Variants in CRK observed in about 807,000 individuals in gnomAD.
The protein encoded by CRK is CRK proto-oncogene, adaptor protein.
A neutral mutation model predicts 29.8 loss-of-function variants in CRK; 4 were observed. The observed-to-expected ratio is 0.13, with a 90% confidence interval of 0.07 to 0.31. The LOEUF is 0.31. Among genes scored for constraint, CRK ranks in the 10% least tolerant of loss-of-function variants. CRK has a pLI of 1.00. For missense variants in CRK, 274 were observed against 396.5 expected (o/e 0.69, Z 2.62); for synonymous variants, 153 against 164.9 (o/e 0.93, Z 0.55).
At chr17:1,428,561 T>C (rs377334256) in intron 2 of CRK, among the ~76,000 whole-genome samples, 2 of 146,846 alleles carry the variant, frequency 1.4e-5, no homozygotes, top group South Asian at 2.2e-4. Flanking sequence ...TCTCACTCTG[T>C]TGCCCTGGCT....
chr17:1,430,530 G>C (rs889453311), intron 2 of CRK, among the ~76,000 whole-genome samples: 3 of 143,790 alleles, frequency 2.1e-5, no homozygotes, highest in Admixed American at 6.9e-5. Context: ...CTAATTTTTT[G>C]TATTTTTTTT....
At chr17:1,425,581 C>T (rs1299031119) in intron 2 of CRK, among the ~76,000 whole-genome samples, 1 of 152,216 alleles carries the variant, frequency 6.6e-6, no homozygotes, top group African/African-American at 2.4e-5. Flanking sequence ...TGAGCCTCCA[C>T]ACCATTTATG....
intron 1 of CRK, among the ~76,000 whole-genome samples, chr17:1,440,956 T>C (rs2073930583): frequency 6.6e-6 from 1 of 152,208 alleles, no homozygotes; most frequent in African/African-American, 2.4e-5. Flanking sequence ...TGTTGTTGTC[T>C]TGTGACAGAG....
At chr17:1,444,886 T>C (rs2073962684) in intron 1 of CRK, among the ~76,000 whole-genome samples, 4 of 148,954 alleles carry the variant, frequency 2.7e-5, no homozygotes, top group Admixed American at 2.0e-4. Flanking sequence ...CGATGGCTCA[T>C]GCCTGTAATC....
chr17:1,442,577 AT>A (rs2073943395), intron 1 of CRK, among the ~76,000 whole-genome samples: 1 of 138,118 alleles, frequency 7.2e-6, no homozygotes, highest in Non-Finnish European at 1.6e-5. Flanking sequence ...TTATTTGCTT[AT>A]TGGGATTTTT....
intron 1 of CRK, 47 bp from the exon 2 acceptor site, chr17:1,437,202 A>T: frequency 6.6e-7 from 1 of 1,510,166 alleles, no homozygotes; most frequent in African/African-American, 1.4e-5. Context: ...ACTACACTGG[A>T]AATGAAATGC....
chr17:1,450,978 G>A (rs1335480853), intron 1 of CRK, among the ~76,000 whole-genome samples: 1 of 151,718 alleles, frequency 6.6e-6, no homozygotes, highest in African/African-American at 2.4e-5. Context: ...AGATCACAAG[G>A]TCAGGAGATC....
rs1260863082 is a variant in CRK at position 1,423,602 on chromosome 17, C to T, written c.826G>A (p.Glu276Lys). The T allele has an allele frequency of 5.0e-6, 8 of 1,614,078 alleles. No individual in the cohort carries two copies. Among genetic ancestry groups the T allele is most frequent in the Non-Finnish European group, 6.8e-6 (8 of 1,180,052 alleles). Residue 276 changes from glutamate (E) to lysine (K), a missense_variant, in exon 3 of 3, where the codon GAA (glutamate) becomes AAA (lysine). Physicochemically the swap from Glu to Lys is moderately conservative, Grantham distance 56. Transcript: ENST00000300574. ...CCTCGTTTGCCATTACACTCCCCTT[C>T]CCACTGACCACTCACATTAATCTTC... ...VTKINVSGQW[E>K]GECNGKRGHF... is the part of the protein sequence containing the mutation.
At chr17:1,436,591 C>T (rs746307977) in intron 2 of CRK, 29 bp downstream of exon 2, 1 of 1,561,684 alleles carries the variant, frequency 6.4e-7, no homozygotes, top group Non-Finnish European at 8.6e-7. Context: ...CAGCAGATCT[C>T]TTCTTTCTAC....
In CRK at chr17:1,420,720, C is replaced by T. The variant is rs2073715195; in HGVS notation, c.*2793G>A. On this transcript the variant is annotated 3_prime_UTR_variant, in exon 3 of 3. Coordinates refer to ENST00000300574, the MANE Select transcript of CRK (RefSeq NM_016823.4). ...TTTTGCAAAAGATCACCAAGCCAAA[C>T]ATTTGGCCATATTTTTATTTACTAC... 6.6e-6 allele frequency: 1 copy of T among 151,532 alleles called. No individual in the cohort carries two copies. The highest frequency in any genetic ancestry group is 1.5e-5 in the Non-Finnish European group (1 of 67,918). 9.4% of individuals were successfully genotyped at this position (151,532 alleles called of 1,614,324 possible). A position where few individuals can be genotyped will look rare whatever the true frequency, so the allele number is the denominator to read the frequency against.
chr17:1,451,130 T>G (rs2074014281), intron 1 of CRK, among the ~76,000 whole-genome samples: 1 of 133,732 alleles, frequency 7.5e-6, no homozygotes, highest in Non-Finnish European at 1.5e-5. Context: ...GGGGCGGAGC[T>G]TGCAGTGAGC....
At chr17:1,449,895 C>T (rs1389985272) in intron 1 of CRK, among the ~76,000 whole-genome samples, 1 of 152,134 alleles carries the variant, frequency 6.6e-6, no homozygotes, top group Admixed American at 6.5e-5. Flanking sequence ...ATTCTGTACC[C>T]ATGCCTTTAA....
intron 1 of CRK, among the ~76,000 whole-genome samples, chr17:1,453,411 T>G (rs529305394): frequency 6.6e-6 from 1 of 152,322 alleles, no homozygotes; most frequent in East Asian, 1.9e-4. Context: ...AAAGTGAGTT[T>G]CAATGACAGT....
At chr17:1,436,551 A>G in intron 2 of CRK, 69 bp downstream of exon 2, 1 of 1,484,416 alleles carries the variant, frequency 6.7e-7, no homozygotes, top group Non-Finnish European at 9.0e-7. Flanking sequence ...CATTGCTACA[A>G]AGCTCTAAGA....
intron 2 of CRK, among the ~76,000 whole-genome samples, chr17:1,427,470 G>A (rs2073792184): frequency 6.6e-6 from 1 of 151,708 alleles, no homozygotes; most frequent in South Asian, 2.1e-4. Context: ...GCGGGCGCCT[G>A]TAGTCCCACC....
chr17:1,429,060 C>CTGG lies in CRK; in HGVS notation c.778-5413_778-5411dup, dbSNP rs540357694. On this transcript the variant is annotated intron_variant, in intron 2 of 2. Transcript: ENST00000300574. ...ATGGGGTTTCACCATGTTGGCCAGG[C>CTGG]TGGTCTCCAACTCCTGACCTCAGGT... 1.2e-3 allele frequency among the ~76,000 whole-genome samples: 181 copies of CTGG among 152,158 alleles called. 1 individual carries two copies. The highest frequency in any genetic ancestry group is 3.7e-3 in the African/African-American group (153 of 41,516).
At chr17:1,440,954 T>A (rs1264499591) in intron 1 of CRK, among the ~76,000 whole-genome samples, 1 of 152,214 alleles carries the variant, frequency 6.6e-6, no homozygotes, top group Non-Finnish European at 1.5e-5. Context: ...TTTGTTGTTG[T>A]CTTGTGACAG....
intron 2 of CRK, among the ~76,000 whole-genome samples, chr17:1,435,935 G>A (rs1206859393): frequency 6.6e-6 from 1 of 152,166 alleles, no homozygotes; most frequent in Non-Finnish European, 1.5e-5. Context: ...GCGTGGAAGA[G>A]AGGAATAAAG....
intron 2 of CRK, among the ~76,000 whole-genome samples, chr17:1,428,053 C>T (rs1413184709): frequency 6.6e-6 from 1 of 151,766 alleles, no homozygotes; most frequent in Non-Finnish European, 1.5e-5. Flanking sequence ...TAACACAGAA[C>T]CATACCAATT....
Sources: gnomAD v4.1 joint callset for allele counts (sites outside exome capture counted in the v4.1 genomes callset) on GRCh38, gnomAD v4.1.1 for gene constraint, MANE v1.5 for transcripts, NCBI Gene and HGNC (gene_info 2026-07-23, HGNC 2026-07-21) for gene names.